CFAP95: variants seen among roughly 807,000 people sequenced by gnomAD.
CFAP95 encodes cilia and flagella associated protein 95, also known as cilia- and flagella-associated protein 95.
chr9:69,846,564 A>G, the CFAP95 span, among the ~76,000 whole-genome samples: 2 of 152,216 alleles, frequency 1.3e-5, no homozygotes, highest in African/African-American at 4.8e-5. Flanking sequence ...ATTCTTCACA[A>G]CAAAGCTATA....
chr9:69,844,734 T>G, the CFAP95 span: 6 of 676,506 alleles, frequency 8.9e-6, no homozygotes, highest in South Asian at 2.4e-5. Flanking sequence ...GTTAACTGTG[T>G]TAGTTACTTA....
At chr9:69,872,437 G>T in the CFAP95 span, among the ~76,000 whole-genome samples, 2 of 152,124 alleles carry the variant, frequency 1.3e-5, no homozygotes, top group African/African-American at 4.8e-5. Context: ...TGATACTAAT[G>T]GGAGGAGTTT....
the CFAP95 span, among the ~76,000 whole-genome samples, chr9:69,829,597 G>C: frequency 0.013 from 1,974 of 152,282 alleles, 39 homozygotes; most frequent in African/African-American, 0.044. Flanking sequence ...GAAGCCATTA[G>C]AGTCCTCTCC....
At chr9:69,881,711 G>A in the CFAP95 span, among the ~76,000 whole-genome samples, 1 of 152,100 alleles carries the variant, frequency 6.6e-6, no homozygotes, top group African/African-American at 2.4e-5. Context: ...GATGTCATTG[G>A]TATTTTGATA....
At chr9:69,888,170 A>G in the CFAP95 span, among the ~76,000 whole-genome samples, 6 of 152,184 alleles carry the variant, frequency 3.9e-5, no homozygotes, top group Non-Finnish European at 8.8e-5. Flanking sequence ...TTAAGATTCC[A>G]GGAATTATTT....
At chr9:69,896,874 T>C in the CFAP95 span, among the ~76,000 whole-genome samples, 3 of 151,702 alleles carry the variant, frequency 2.0e-5, no homozygotes, top group Non-Finnish European at 4.4e-5. Flanking sequence ...GGGTGACACA[T>C]CAAGACTCTG....
chr9:69,829,710 G>C, the CFAP95 span, among the ~76,000 whole-genome samples: 2 of 152,190 alleles, frequency 1.3e-5, no homozygotes, highest in African/African-American at 2.4e-5. Context: ...TTCTAGGTAA[G>C]AGTGTTGTGG....
At chr9:69,840,096 GA>G in the CFAP95 span, among the ~76,000 whole-genome samples, 2 of 150,898 alleles carry the variant, frequency 1.3e-5, no homozygotes, top group South Asian at 4.2e-4. Context: ...AAAAAAGATT[GA>G]TCATTTTTCT....
chr9:69,838,651 C>A, the CFAP95 span, among the ~76,000 whole-genome samples: 1 of 152,160 alleles, frequency 6.6e-6, no homozygotes, highest in South Asian at 2.1e-4. Context: ...ATGGGGTTTT[C>A]TAGATATATA....
chr9:69,901,057 C>A, the CFAP95 span, among the ~76,000 whole-genome samples: 4 of 152,104 alleles, frequency 2.6e-5, no homozygotes, highest in African/African-American at 9.7e-5. Context: ...TGATGTTCCC[C>A]TTCTTGTGTC....
chr9:69,827,616 A>G, the CFAP95 span, among the ~76,000 whole-genome samples: 17 of 152,182 alleles, frequency 1.1e-4, no homozygotes, highest in Non-Finnish European at 2.9e-5. Context: ...TGAGGCCTCC[A>G]GATCTATCGT....
At chr9:69,829,554 C>T in the CFAP95 span, among the ~76,000 whole-genome samples, 1 of 152,222 alleles carries the variant, frequency 6.6e-6, no homozygotes, top group Non-Finnish European at 1.5e-5. Context: ...AACCAAACCT[C>T]TACCCTTATG....
chr9:69,877,167 A>G, the CFAP95 span, among the ~76,000 whole-genome samples: 1 of 152,234 alleles, frequency 6.6e-6, no homozygotes, highest in Non-Finnish European at 1.5e-5. Flanking sequence ...CTAAAGGTTT[A>G]GCCCAGCATC....
At chr9:69,898,653 A>G in the CFAP95 span, among the ~76,000 whole-genome samples, 1 of 152,196 alleles carries the variant, frequency 6.6e-6, no homozygotes, top group Non-Finnish European at 1.5e-5. Flanking sequence ...AAATTGATAC[A>G]GTGCAATTAT....
At chr9:69,876,672 T>A in the CFAP95 span, among the ~76,000 whole-genome samples, 1 of 152,208 alleles carries the variant, frequency 6.6e-6, no homozygotes, top group Non-Finnish European at 1.5e-5. Context: ...TCTTGCGCTG[T>A]CTCCCAGGCT....
the CFAP95 span, among the ~76,000 whole-genome samples, chr9:69,866,654 A>G: frequency 6.6e-6 from 1 of 152,210 alleles, no homozygotes; most frequent in East Asian, 1.9e-4. Flanking sequence ...GGATTAGCAA[A>G]AGAGATGGAC....
chr9:69,888,327 A>G, the CFAP95 span, among the ~76,000 whole-genome samples: 1 of 152,156 alleles, frequency 6.6e-6, no homozygotes, highest in Non-Finnish European at 1.5e-5. Context: ...TATTTAAGAC[A>G]TAGAAACAGC....
the CFAP95 span, chr9:69,905,973 A>G: frequency 6.2e-7 from 1 of 1,606,906 alleles, no homozygotes; most frequent in Admixed American, 1.7e-5. Context: ...TGTCAAGATG[A>G]TTATTCCATA....
the CFAP95 span, among the ~76,000 whole-genome samples, chr9:69,828,589 G>A: frequency 5.3e-5 from 8 of 152,266 alleles, no homozygotes; most frequent in Admixed American, 2.6e-4. Context: ...AGGCTGAGGC[G>A]AGAGGATCGC....
Sources: allele counts gnomAD v4.1 joint callset (sites outside exome capture counted in the v4.1 genomes callset), GRCh38; gene constraint gnomAD v4.1.1; transcripts MANE v1.5; gene names NCBI Gene and HGNC (gene_info 2026-07-23, HGNC 2026-07-21).